LARGE1: variants seen among roughly 807,000 people sequenced by gnomAD.
LARGE1 encodes the protein xylosyl- and glucuronyltransferase LARGE1.
Under a neutral mutation model 87.6 loss-of-function variants are expected in LARGE1, and 43 were observed. The ratio of observed to expected loss-of-function variants is 0.49; its 90% CI spans 0.38 to 0.63. The LOEUF (loss-of-function observed/expected upper bound fraction) is 0.63, where lower values mean the gene tolerates loss of function less well. Among genes scored for constraint, LARGE1 ranks in the 30% least tolerant of loss-of-function variants. LARGE1 has a pLI of 0.00. For missense variants in LARGE1, 802 were observed against 1,000.2 expected (o/e 0.80, Z 2.67); for synonymous variants, 434 against 394.6 (o/e 1.10, Z -1.18).
intron 6 of LARGE1, among the ~76,000 whole-genome samples, chr22:33,435,221 C>A (rs568817496): frequency 6.6e-6 from 1 of 152,218 alleles, no homozygotes; most frequent in East Asian, 1.9e-4. Flanking sequence ...AGGCTGATCT[C>A]GAACTCCTAA....
At chr22:33,329,452 G>A (rs575881770) in intron 10 of LARGE1, among the ~76,000 whole-genome samples, 14 of 151,676 alleles carry the variant, frequency 9.2e-5, no homozygotes, top group African/African-American at 2.9e-4. Context: ...GGAAGGGGGC[G>A]TTGGCTGCCT....
At chr22:33,379,230 G>C (rs2065079843) in intron 9 of LARGE1, among the ~76,000 whole-genome samples, 1 of 149,300 alleles carries the variant, frequency 6.7e-6, no homozygotes, top group Non-Finnish European at 1.5e-5. Flanking sequence ...AGTCACACAG[G>C]CAAAGCTTTA....
chr22:33,700,779 AG>A (rs1354872850), intron 2 of LARGE1, among the ~76,000 whole-genome samples: 1 of 152,198 alleles, frequency 6.6e-6, no homozygotes, highest in African/African-American at 2.4e-5. Flanking sequence ...AAACAAAAGC[AG>A]GGAAGTGTGA....
rs1221691671 is a variant in LARGE1, at chr22:33,823,583, C to T, written c.-82-62025G>A. On this transcript the variant is annotated intron_variant, in intron 1 of 14. Coordinates refer to ENST00000397394, the MANE Select transcript of LARGE1 (RefSeq NM_133642.5). ...GCCTCACGCACCCCTCAGATAGGTC[C>T]GACGACATGATTTGTCCCTGTCCTT... Among the ~76,000 whole-genome samples, 5 of 152,140 alleles carry T rather than the reference C, an allele frequency of 3.3e-5. No homozygotes were observed. The East Asian group carries it at 5.8e-4, about 18-fold the overall frequency.
Position 33,354,398 on chromosome 22 carries a change from A to G in LARGE1, c.1132-16597T>C, listed in dbSNP as rs8139509. 8.1e-3 allele frequency among the ~76,000 whole-genome samples: 1,232 copies of G among 152,314 alleles called. 20 individuals are homozygous for G. Among genetic ancestry groups the G allele is most frequent in the African/African-American group, 0.028 (1,171 of 41,564 alleles). On this transcript the variant is annotated intron_variant, in intron 9 of 14. Coordinates refer to ENST00000397394, the MANE Select transcript of LARGE1 (RefSeq NM_133642.5). ...TCACTTAAGGTTGATAAGTTCTTGG[A>G]GGCTGCAACTTCAAGTGAAATTATA...
intron 9 of LARGE1, among the ~76,000 whole-genome samples, chr22:33,348,688 A>G (rs561360737): frequency 1.3e-5 from 2 of 152,230 alleles, no homozygotes; most frequent in South Asian, 4.1e-4. Context: ...ATAGAACAAA[A>G]AACTGAGGAA....
intron 1 of LARGE1, among the ~76,000 whole-genome samples, chr22:33,825,640 C>G (rs940606114): frequency 3.3e-5 from 5 of 152,198 alleles, no homozygotes; most frequent in Non-Finnish European, 5.9e-5. Context: ...ATACGGGTAA[C>G]TGCTCCCTTG....
At chr22:33,775,189 G>C (rs1234302505) in intron 1 of LARGE1, among the ~76,000 whole-genome samples, 1 of 152,204 alleles carries the variant, frequency 6.6e-6, no homozygotes, top group Non-Finnish European at 1.5e-5. Context: ...GAGGTTAAGT[G>C]GCTTAGGTCC....
intron 2 of LARGE1, among the ~76,000 whole-genome samples, chr22:33,754,486 C>G (rs1471215825): frequency 2.0e-5 from 3 of 151,990 alleles, no homozygotes; most frequent in Non-Finnish European, 4.4e-5. Flanking sequence ...CAGGCGCCCA[C>G]CACCACGCCC....
At chr22:33,436,916 T>C (rs1294485166) in intron 6 of LARGE1, among the ~76,000 whole-genome samples, 2 of 152,002 alleles carry the variant, frequency 1.3e-5, no homozygotes, top group African/African-American at 4.8e-5. Flanking sequence ...ACTCTAAAGT[T>C]GAGTCCTCCA....
chr22:33,349,905 G>T (rs138366310), intron 9 of LARGE1, among the ~76,000 whole-genome samples: 1,587 of 152,240 alleles, frequency 0.01, 10 homozygotes, highest in South Asian at 0.017. Flanking sequence ...CCAGGAAAGG[G>T]GAAGAAAAGA....
chr22:33,208,108 G>A (rs771800804), intron 11 of LARGE1, among the ~76,000 whole-genome samples: 1 of 152,120 alleles, frequency 6.6e-6, no homozygotes, highest in Non-Finnish European at 1.5e-5. Flanking sequence ...AATGTTCTCC[G>A]TTTCAGGGCA....
intron 6 of LARGE1, among the ~76,000 whole-genome samples, chr22:33,561,123 T>C (rs2077845252): frequency 6.6e-6 from 1 of 152,232 alleles, no homozygotes; most frequent in African/African-American, 2.4e-5. Context: ...AACTTTCAAG[T>C]GTGCAAAGCT....
chr22:33,601,706 G>A (rs576319614), intron 5 of LARGE1, among the ~76,000 whole-genome samples: 1 of 152,312 alleles, frequency 6.6e-6, no homozygotes, highest in South Asian at 2.1e-4. Flanking sequence ...CAGGTGTCAG[G>A]AAACTTTGAT....
At chr22:33,346,174 C>A (rs372430737) in intron 9 of LARGE1, among the ~76,000 whole-genome samples, 1 of 152,112 alleles carries the variant, frequency 6.6e-6, no homozygotes, top group East Asian at 1.9e-4. Context: ...TGCTCTCCCC[C>A]TTGCTAGAAT....
At chr22:33,767,910 C>G (rs2084953816) in intron 1 of LARGE1, among the ~76,000 whole-genome samples, 1 of 152,214 alleles carries the variant, frequency 6.6e-6, no homozygotes, top group Non-Finnish European at 1.5e-5. Context: ...TTGCCTGAAT[C>G]CTGCCACTCA....
intron 2 of LARGE1, among the ~76,000 whole-genome samples, chr22:33,661,504 C>T (rs766840974): frequency 2.3e-4 from 35 of 151,576 alleles, no homozygotes; most frequent in Admixed American, 1.6e-3. Flanking sequence ...TGTGAGCTTC[C>T]GCACCTGGCA....
chr22:33,716,075 G>C (rs1167543521), intron 2 of LARGE1, among the ~76,000 whole-genome samples: 3 of 152,034 alleles, frequency 2.0e-5, no homozygotes, highest in Non-Finnish European at 4.4e-5. Flanking sequence ...ATATACTTAA[G>C]TATGATCAAC....
chr22:33,483,896 T>C (rs546930655), intron 6 of LARGE1, among the ~76,000 whole-genome samples: 15 of 152,246 alleles, frequency 9.9e-5, no homozygotes, highest in African/African-American at 2.9e-4. Context: ...AGCCTGCTGC[T>C]GGGCATGGCC....
Sources: gnomAD v4.1 joint callset for allele counts (sites outside exome capture counted in the v4.1 genomes callset) on GRCh38, gnomAD v4.1.1 for gene constraint, MANE v1.5 for transcripts, NCBI Gene and HGNC (gene_info 2026-07-23, HGNC 2026-07-21) for gene names.